The following PCDH15 variants were observed in gnomAD, a reference collection of about 807,000 sequenced individuals.
PCDH15 encodes the protein protocadherin-15.
In PCDH15, 129 loss-of-function variants were observed where a neutral mutation model predicts 178.5. The observed-to-expected ratio is 0.72, with a 90% confidence interval of 0.63 to 0.84. The LOEUF is 0.84. PCDH15 is among the 40% of genes least tolerant of loss of function. The pLI, the probability that PCDH15 is intolerant of heterozygous loss-of-function variation, is 0.00. For missense variants in PCDH15, 2,230 were observed against 2,099.9 expected, an observed-to-expected ratio of 1.06 and a Z score of -1.21; for synonymous variants, 800 against 732.0, an observed-to-expected ratio of 1.09 and a Z score of -1.50.
intron 2 of PCDH15, among the ~76,000 whole-genome samples, chr10:55,562,849 C>A (rs1842227902): frequency 6.6e-6 from 1 of 151,962 alleles, no homozygotes; most frequent in South Asian, 2.1e-4. Flanking sequence ...GATGGAAAAG[C>A]AAGCACTGGA....
intron 3 of PCDH15, among the ~76,000 whole-genome samples, chr10:54,497,221 C>T (rs1254922965): frequency 6.7e-6 from 1 of 149,672 alleles, no homozygotes; most frequent in Non-Finnish European, 1.5e-5. Flanking sequence ...AGCCAATTGA[C>T]TAAACCCAAT....
intron 33 of PCDH15, chr10:53,818,282 G>C (rs138219286): frequency 0.01 from 2,832 of 272,228 alleles, 35 homozygotes; most frequent in Non-Finnish European, 0.011. Flanking sequence ...TATTTCAATA[G>C]TGTATAATGA....
At chr10:54,203,461 GA>G (rs1351858228) in intron 10 of PCDH15, among the ~76,000 whole-genome samples, 3 of 152,074 alleles carry the variant, frequency 2.0e-5, no homozygotes, top group African/African-American at 4.8e-5. Flanking sequence ...TTAAATAAAG[GA>G]ACCTCAGATT....
intron 2 of PCDH15, among the ~76,000 whole-genome samples, chr10:55,140,065 G>A (rs779229280): frequency 2.6e-5 from 4 of 151,860 alleles, no homozygotes; most frequent in Non-Finnish European, 4.4e-5. Flanking sequence ...ATATTCATGT[G>A]TTCATTTCTA....
At chr10:54,596,955 T>C (rs1038603021) in intron 2 of PCDH15, among the ~76,000 whole-genome samples, 2 of 152,124 alleles carry the variant, frequency 1.3e-5, no homozygotes, top group Non-Finnish European at 2.9e-5. Context: ...ACCAAGTTCT[T>C]AGGGACCTTC....
intron 2 of PCDH15, among the ~76,000 whole-genome samples, chr10:55,397,328 G>A (rs1837954145): frequency 1.3e-5 from 2 of 152,064 alleles, no homozygotes; most frequent in Non-Finnish European, 2.9e-5. Flanking sequence ...AATGAGGCAG[G>A]TTGAAAAAGA....
At chr10:54,825,441 A>T (rs1356840579) in intron 3 of PCDH15, among the ~76,000 whole-genome samples, 7 of 148,414 alleles carry the variant, frequency 4.7e-5, no homozygotes. Flanking sequence ...TCCCTGAGGA[A>T]TCGCCACGCT....
At chr10:54,734,197 A>G (rs1591353703) in intron 1 of PCDH15, among the ~76,000 whole-genome samples, 1 of 152,000 alleles carries the variant, frequency 6.6e-6, no homozygotes, top group South Asian at 2.1e-4. Context: ...TATGCATTCA[A>G]CACAGAGAAA....
intron 1 of PCDH15, among the ~76,000 whole-genome samples, chr10:54,717,877 A>G (rs1445102736): frequency 1.4e-5 from 2 of 143,498 alleles, no homozygotes; most frequent in East Asian, 3.9e-4. Context: ...TCCAACAATG[A>G]TAAACTGGAT....
intron 2 of PCDH15, among the ~76,000 whole-genome samples, chr10:54,588,209 C>G (rs1333532923): frequency 6.6e-6 from 1 of 152,052 alleles, no homozygotes; most frequent in Non-Finnish European, 1.5e-5. Flanking sequence ...GGAAATGACA[C>G]TAAATCAATT....
At chr10:54,473,910 T>G (rs2078092782) in intron 3 of PCDH15, among the ~76,000 whole-genome samples, 1 of 151,836 alleles carries the variant, frequency 6.6e-6, no homozygotes, top group African/African-American at 2.4e-5. Flanking sequence ...TTTTGTTATT[T>G]TTAAATTCTC....
chr10:55,124,630 T>C (rs899976079), intron 2 of PCDH15, among the ~76,000 whole-genome samples: 38 of 152,252 alleles, frequency 2.5e-4, no homozygotes, highest in African/African-American at 7.9e-4. Context: ...TCTCTGTCAG[T>C]GTTTCTCTAT....
At chr10:54,981,160 C>G (rs960362055) in intron 2 of PCDH15, among the ~76,000 whole-genome samples, 1 of 152,100 alleles carries the variant, frequency 6.6e-6, no homozygotes, top group Non-Finnish European at 1.5e-5. Flanking sequence ...AACAAAAACT[C>G]AAAACGAATC....
intron 20 of PCDH15, among the ~76,000 whole-genome samples, chr10:54,006,024 G>A (rs993883764): frequency 6.6e-6 from 1 of 152,072 alleles, no homozygotes; most frequent in African/African-American, 2.4e-5. Context: ...ATCAATGAAG[G>A]TTAAAAGTAT....
intron 17 of PCDH15, among the ~76,000 whole-genome samples, chr10:54,067,148 T>C (rs952675760): frequency 1.3e-5 from 2 of 152,216 alleles, no homozygotes; most frequent in African/African-American, 4.8e-5. Context: ...AAGTATTTCC[T>C]GGAGGAAAAC....
intron 1 of PCDH15, among the ~76,000 whole-genome samples, chr10:54,675,209 T>C (rs2094760812): frequency 6.6e-6 from 1 of 152,056 alleles, no homozygotes; most frequent in African/African-American, 2.4e-5. Context: ...TATTGTATCC[T>C]ATTAAAATGA....
chr10:54,633,008 T>C (rs1424278254), intron 2 of PCDH15, among the ~76,000 whole-genome samples: 1 of 152,134 alleles, frequency 6.6e-6, no homozygotes, highest in Non-Finnish European at 1.5e-5. Flanking sequence ...TACTTACCTG[T>C]ACAAATGAAA....
intron 3 of PCDH15, among the ~76,000 whole-genome samples, chr10:54,418,118 T>G (rs1322000042): frequency 6.6e-6 from 1 of 152,112 alleles, no homozygotes; most frequent in Non-Finnish European, 1.5e-5. Context: ...TTTCAAGAAC[T>G]GTTTAAGATA....
In PCDH15 at chr10:55,182,129, C is replaced by T. The variant is rs142552507; in HGVS notation, c.-155-15478G>A. On this transcript the variant is annotated intron_variant, in intron 1 of 5. Coordinates refer to the PCDH15 transcript ENST00000458638. ...AAGATTCTTGGCATTCTGAGGTTTT[C>T]TAGCATGAGGATACTTATTTTACAT... is the stretch of plus-strand genomic sequence containing the variant. Among the ~76,000 whole-genome samples, 114 of 151,954 alleles carry T rather than the reference C, an allele frequency of 7.5e-4. 1 individual carries two copies. Among genetic ancestry groups the T allele is most frequent in the African/African-American group, 2.4e-3 (100 of 41,502 alleles).
Sources: allele counts gnomAD v4.1 joint callset (sites outside exome capture counted in the v4.1 genomes callset), GRCh38; gene constraint gnomAD v4.1.1; transcripts MANE v1.5; gene names NCBI Gene and HGNC (gene_info 2026-07-23, HGNC 2026-07-21).